The following PARP8 variants were observed in gnomAD, a reference collection of about 807,000 sequenced individuals.
The protein encoded by PARP8 is poly(ADP-ribose) polymerase family member 8.
In PARP8, 51 loss-of-function variants were observed where a neutral mutation model predicts 124.1. The ratio of observed to expected loss-of-function variants is 0.41; its 90% CI spans 0.33 to 0.52. The LOEUF (loss-of-function observed/expected upper bound fraction) is 0.52. Ranked by LOEUF, PARP8 falls within the 20% of genes least tolerant of loss-of-function variation. PARP8 has a pLI of 0.21. For synonymous variants in PARP8, 391 were observed against 361.5 expected (o/e 1.08, Z -0.93); for missense variants, 860 against 1,018.9 (o/e 0.84, Z 2.12).
chr5:50,669,436 T>G (rs1319585315), intron 2 of PARP8: 1 of 152,184 alleles, frequency 6.6e-6, no homozygotes, highest in Non-Finnish European at 1.5e-5. Context: ...AAAAACAGAG[T>G]TGACTTTTCA....
At chr5:50,716,064 CT>C (rs1755283702) in intron 2 of PARP8, among the ~76,000 whole-genome samples, 1 of 152,052 alleles carries the variant, frequency 6.6e-6, no homozygotes, top group Non-Finnish European at 1.5e-5. Flanking sequence ...ATGAGTAATT[CT>C]TTCCAAAAAC....
At chr5:50,714,991 G>T (rs1237928176) in intron 2 of PARP8, among the ~76,000 whole-genome samples, 1 of 151,804 alleles carries the variant, frequency 6.6e-6, no homozygotes, top group Non-Finnish European at 1.5e-5. Flanking sequence ...TTTCATTCTT[G>T]CTGTCTTTGT....
rs765771305 is a variant in PARP8, at chr5:50,758,490, G to T, written c.185-1153G>T. Among the ~76,000 whole-genome samples the T allele has an allele frequency of 9.5e-4, 144 of 152,138 alleles. 1 individual carries two copies. Among genetic ancestry groups the T allele is most frequent in the Non-Finnish European group, 1.5e-3 (105 of 68,010 alleles). On this transcript the variant is annotated intron_variant, in intron 3 of 25. Coordinates refer to ENST00000281631, the MANE Select transcript of PARP8 (RefSeq NM_024615.4). ...ATGTTTCTTTGGAAATAATGACTTA[G>T]AGATGTATTAATTAAAAATTGTGTT...
At chr5:50,729,969 G>T (rs1195718652) in intron 2 of PARP8, among the ~76,000 whole-genome samples, 2 of 152,152 alleles carry the variant, frequency 1.3e-5, no homozygotes, top group Non-Finnish European at 2.9e-5. Context: ...ATGCATTTGA[G>T]AATGCAAGCA....
At chr5:50,713,535 C>G (rs1487138619) in intron 2 of PARP8, among the ~76,000 whole-genome samples, 1 of 151,866 alleles carries the variant, frequency 6.6e-6, no homozygotes, top group Non-Finnish European at 1.5e-5. Flanking sequence ...ACCATCACAC[C>G]CAGCTATTAT....
chr5:50,725,069 G>T (rs907034271), intron 2 of PARP8, among the ~76,000 whole-genome samples: 7 of 48,630 alleles, frequency 1.4e-4, no homozygotes, highest in African/African-American at 6.1e-4. Flanking sequence ...TCCATTGTGT[G>T]TGTATGTGTA....
At chr5:50,813,399 T>G (rs547963560) in intron 14 of PARP8, among the ~76,000 whole-genome samples, 1 of 151,136 alleles carries the variant, frequency 6.6e-6, no homozygotes, top group African/African-American at 2.4e-5. Flanking sequence ...TGTTTGTCTG[T>G]TATTGGTGTA....
At chr5:50,784,474 A>G (rs1483004698) in intron 9 of PARP8, among the ~76,000 whole-genome samples, 1 of 152,180 alleles carries the variant, frequency 6.6e-6, no homozygotes, top group East Asian at 1.9e-4. Flanking sequence ...GTTGAAAATG[A>G]TAAACAACTA....
At position 50,712,609 on chromosome 5, in the gene PARP8, C is replaced by T. The variant is rs571791150; in HGVS notation, c.147-37542C>T. Reference sequence around the variant, plus strand: ...TTCAGTAAGCACTGAGGACCAGGCTCTGCAGGCCACCCTGAATATAGAAGA... The same window carrying T: ...TTCAGTAAGCACTGAGGACCAGGCTTTGCAGGCCACCCTGAATATAGAAGA... On this transcript the variant is annotated intron_variant, in intron 2 of 25. Coordinates refer to ENST00000281631, the MANE Select transcript of PARP8 (RefSeq NM_024615.4). 2.4e-4 allele frequency among the ~76,000 whole-genome samples: 36 copies of T among 152,276 alleles called. 1 individual carries two copies. Among genetic ancestry groups the T allele is most frequent in the Middle Eastern group, 6.8e-3 (2 of 294 alleles).
chr5:50,805,683 A>G (rs1168745505), intron 14 of PARP8, among the ~76,000 whole-genome samples: 1 of 152,066 alleles, frequency 6.6e-6, no homozygotes, highest in East Asian at 1.9e-4. Context: ...CCTTTTTTGT[A>G]TTTCAAGATT....
At chr5:50,775,901 G>T (rs1338747259) in intron 7 of PARP8, among the ~76,000 whole-genome samples, 1 of 152,070 alleles carries the variant, frequency 6.6e-6, no homozygotes, top group African/African-American at 2.4e-5. Flanking sequence ...TCTCTTGCCT[G>T]ATTGCTCTGG....
intron 19 of PARP8, 108 bp downstream of exon 19, chr5:50,826,911 G>A: frequency 1.4e-6 from 2 of 1,414,704 alleles, no homozygotes; most frequent in Non-Finnish European, 1.9e-6. Context: ...AAGAATTGAA[G>A]TAAACCCAGG....
At chr5:50,714,852 GTTATCC>G (rs1443968230) in intron 2 of PARP8, among the ~76,000 whole-genome samples, 4 of 152,026 alleles carry the variant, frequency 2.6e-5, no homozygotes, top group African/African-American at 9.7e-5. Flanking sequence ...CACTGCTTCT[GTTATCC>G]TTAGCTGTCA....
chr5:50,827,179 TCAGA>T (rs1408689670), intron 19 of PARP8, among the ~76,000 whole-genome samples: 3 of 152,226 alleles, frequency 2.0e-5, no homozygotes, highest in African/African-American at 7.2e-5. Context: ...GCTATTGACC[TCAGA>T]CAACTTATTT....
At chr5:50,808,145 A>G (rs1744066140) in intron 14 of PARP8, among the ~76,000 whole-genome samples, 1 of 151,888 alleles carries the variant, frequency 6.6e-6, no homozygotes, top group Non-Finnish European at 1.5e-5. Context: ...GTCTCAGTCG[A>G]TAAAGATTTA....
intron 17 of PARP8, among the ~76,000 whole-genome samples, chr5:50,823,161 T>C (rs1333650312): frequency 6.6e-6 from 1 of 152,254 alleles, no homozygotes; most frequent in Non-Finnish European, 1.5e-5. Flanking sequence ...AGTATTACCC[T>C]GGGTCCTTTA....
chr5:50,796,917 G>C lies in PARP8; in HGVS notation c.1429-65G>C. ...GTATTCACTATTGCAAAGAGTAAAA[G>C]CCTGTAATTTATACATTTTTACATT... On this transcript the variant is annotated intron_variant, in intron 12 of 25. Coordinates refer to ENST00000281631, the MANE Select transcript of PARP8 (RefSeq NM_024615.4). 3 of 1,354,258 alleles carry C rather than the reference G, an allele frequency of 2.2e-6. No homozygotes were observed. The East Asian group carries it at 7.5e-5, about 34-fold the overall frequency. 83.9% of individuals were successfully genotyped at this position (1,354,258 alleles called of 1,614,324 possible). A position where few individuals can be genotyped will look rare whatever the true frequency, so the allele number is the denominator to read the frequency against.
chr5:50,681,488 A>G (rs1293944584), intron 2 of PARP8, among the ~76,000 whole-genome samples: 2 of 152,098 alleles, frequency 1.3e-5, no homozygotes, highest in Admixed American at 6.6e-5. Context: ...GAGGGATGGT[A>G]ACATTCCTTT....
At chr5:50,740,867 G>T (rs1757975378) in intron 2 of PARP8, among the ~76,000 whole-genome samples, 2 of 151,678 alleles carry the variant, frequency 1.3e-5, no homozygotes, top group South Asian at 4.1e-4. Context: ...AAATTAACTT[G>T]GAAAGAACTT....
Sources: gnomAD v4.1 joint callset for allele counts (sites outside exome capture counted in the v4.1 genomes callset) on GRCh38, gnomAD v4.1.1 for gene constraint, MANE v1.5 for transcripts, NCBI Gene and HGNC (gene_info 2026-07-23, HGNC 2026-07-21) for gene names.